SCN11A: variants seen among roughly 807,000 people sequenced by gnomAD.
SCN11A encodes the protein sodium channel protein type 11 subunit alpha.
A neutral mutation model predicts 162.2 loss-of-function variants in SCN11A; 122 were observed. The ratio of observed to expected loss-of-function variants is 0.75; its 90% CI spans 0.65 to 0.87. The LOEUF (loss-of-function observed/expected upper bound fraction) is 0.87, where lower values mean the gene tolerates loss of function less well. SCN11A is among the 40% of genes least tolerant of loss of function. SCN11A has a pLI of 0.00. For missense variants in SCN11A, 2,015 were observed against 2,181.6 expected, an observed-to-expected ratio of 0.92 and a Z score of 1.52; for synonymous variants, 758 against 751.5, an observed-to-expected ratio of 1.01 and a Z score of -0.14.
At chr3:38,884,108 T>C (rs2065355395) in intron 21 of SCN11A, among the ~76,000 whole-genome samples, 1 of 152,228 alleles carries the variant, frequency 6.6e-6, no homozygotes. Flanking sequence ...ATGATGATTA[T>C]AACATTCTGC....
intron 3 of SCN11A, among the ~76,000 whole-genome samples, chr3:38,955,902 C>T (rs2066674564): frequency 6.6e-6 from 1 of 152,190 alleles, no homozygotes; most frequent in South Asian, 2.1e-4. Flanking sequence ...GCTTAAGAAG[C>T]AATTGCTCAA....
At chr3:39,044,396 C>T (rs56347259) in intron 1 of SCN11A, among the ~76,000 whole-genome samples, 11,509 of 152,150 alleles carry the variant, frequency 0.076, 590 homozygotes, top group African/African-American at 0.14. Context: ...TATAGAACAT[C>T]CTCCAAGATA....
chr3:38,897,986 A>G (rs2065634270), intron 17 of SCN11A, among the ~76,000 whole-genome samples: 1 of 152,198 alleles, frequency 6.6e-6, no homozygotes, highest in Non-Finnish European at 1.5e-5. Flanking sequence ...CTGTAATCCC[A>G]GCACTTTGGG....
chr3:38,856,363 A>G (rs765857540), intron 28 of SCN11A, among the ~76,000 whole-genome samples: 6 of 152,138 alleles, frequency 3.9e-5, no homozygotes, highest in Non-Finnish European at 8.8e-5. Flanking sequence ...GCTGTGTGAG[A>G]GGCAGAGTCA....
intron 9 of SCN11A, among the ~76,000 whole-genome samples, chr3:38,923,407 C>T (rs990063123): frequency 8.5e-5 from 13 of 152,110 alleles, no homozygotes; most frequent in African/African-American, 2.7e-4. Context: ...TAATTTCCTG[C>T]TGAATCCTTT....
At chr3:38,866,086 C>T (rs927440687) in intron 27 of SCN11A, among the ~76,000 whole-genome samples, 1 of 151,908 alleles carries the variant, frequency 6.6e-6, no homozygotes, top group African/African-American at 2.4e-5. Flanking sequence ...TAAAAATGGT[C>T]ATAATTGTTT....
At chr3:38,912,208 G>T (rs559364997) in intron 11 of SCN11A, among the ~76,000 whole-genome samples, 12 of 152,132 alleles carry the variant, frequency 7.9e-5, no homozygotes, top group Admixed American at 6.5e-5. Flanking sequence ...TCATTTCTTG[G>T]TCACCATTCA....
intron 11 of SCN11A, among the ~76,000 whole-genome samples, chr3:38,911,065 G>A (rs969318041): frequency 2.0e-5 from 3 of 151,910 alleles, no homozygotes; most frequent in Non-Finnish European, 2.9e-5. Context: ...TTCTACCTCC[G>A]TATATCTAAA....
At chr3:38,879,323 C>T (rs899597988) in intron 23 of SCN11A, among the ~76,000 whole-genome samples, 1 of 152,132 alleles carries the variant, frequency 6.6e-6, no homozygotes, top group Non-Finnish European at 1.5e-5. Flanking sequence ...AAATGTGATC[C>T]ACTAATACTA....
At chr3:38,889,722 C>T (rs190496072) in intron 19 of SCN11A, among the ~76,000 whole-genome samples, 4 of 151,706 alleles carry the variant, frequency 2.6e-5, no homozygotes, top group Admixed American at 2.6e-4. Flanking sequence ...ATGGCAGGAA[C>T]CCGGGAGCCA....
intron 14 of SCN11A, among the ~76,000 whole-genome samples, chr3:38,906,071 C>G (rs2126126256): frequency 6.6e-6 from 1 of 152,210 alleles, no homozygotes; most frequent in Non-Finnish European, 1.5e-5. Context: ...GAGATCTCTC[C>G]CTATTACTAC....
intron 3 of SCN11A, among the ~76,000 whole-genome samples, chr3:38,955,145 A>G (rs58817987): frequency 0.016 from 2,435 of 152,158 alleles, 68 homozygotes; most frequent in African/African-American, 0.056. Flanking sequence ...AAAATTAGCT[A>G]GGTGTGGTGG....
intron 2 of SCN11A, among the ~76,000 whole-genome samples, chr3:38,996,683 A>T (rs2030641263): frequency 6.6e-6 from 1 of 152,312 alleles, no homozygotes; most frequent in South Asian, 2.1e-4. Context: ...TAGCATCTGC[A>T]TCCATAATCA....
intron 23 of SCN11A, among the ~76,000 whole-genome samples, chr3:38,878,572 T>C (rs993866992): frequency 6.6e-6 from 1 of 152,100 alleles, no homozygotes; most frequent in Non-Finnish European, 1.5e-5. Flanking sequence ...TACAGAGTTA[T>C]TTGCTCTCTA....
At chr3:38,927,402 T>G (rs2066161475) in intron 7 of SCN11A, among the ~76,000 whole-genome samples, 1 of 152,180 alleles carries the variant, frequency 6.6e-6, no homozygotes, top group South Asian at 2.1e-4. Context: ...ATCTACAGAT[T>G]CAGTGCAATC....
intron 20 of SCN11A, 150 bp downstream of exon 20, chr3:38,885,975 A>C: frequency 1.8e-6 from 1 of 559,294 alleles, no homozygotes; most frequent in Non-Finnish European, 3.2e-6. Flanking sequence ...TCATACTAGT[A>C]AAGTTGAGAA....
chr3:38,870,009 C>A (rs901118020), intron 26 of SCN11A, among the ~76,000 whole-genome samples: 2 of 152,186 alleles, frequency 1.3e-5, no homozygotes, highest in Admixed American at 6.5e-5. Flanking sequence ...GAAACACACA[C>A]ATGTGCTATA....
chr3:38,863,159 T>A, intron 28 of SCN11A, 36 bp downstream of exon 28: 1 of 1,194,600 alleles, frequency 8.4e-7, no homozygotes, highest in Non-Finnish European at 1.2e-6. Context: ...GTAACTCAAC[T>A]GTTCTACATA....
chr3:38,919,812 A>T (rs2066016118), intron 11 of SCN11A, 123 bp downstream of exon 11: 1 of 747,864 alleles, frequency 1.3e-6, no homozygotes, highest in South Asian at 1.6e-5. Context: ...GTTTAGACAC[A>T]TGAAATAATT....
Sources: allele counts gnomAD v4.1 joint callset (sites outside exome capture counted in the v4.1 genomes callset), GRCh38; gene constraint gnomAD v4.1.1; transcripts MANE v1.5; gene names NCBI Gene and HGNC (gene_info 2026-07-23, HGNC 2026-07-21).